The following THEMIS variants were observed in gnomAD, a reference collection of about 807,000 sequenced individuals.
The protein encoded by THEMIS is thymocyte selection associated.
A neutral mutation model predicts 52.6 loss-of-function variants in THEMIS; 37 were observed. The ratio of observed to expected loss-of-function variants is 0.70; its 90% confidence interval spans 0.54 to 0.93. THEMIS has a LOEUF of 0.93. Ranked by LOEUF, THEMIS falls within the 40% of genes least tolerant of loss-of-function variation. The pLI is 0.00. For missense variants in THEMIS, 808 were observed against 763.1 expected (o/e 1.06, Z -0.69); for synonymous variants, 292 against 272.7 (o/e 1.07, Z -0.70).
intron 2 of THEMIS, among the ~76,000 whole-genome samples, chr6:127,846,680 T>G (rs866097162): frequency 3.3e-5 from 5 of 151,798 alleles, no homozygotes; most frequent in Admixed American, 6.6e-5. Context: ...CAGGGCCAGA[T>G]AGATTCACAG....
intron 4 of THEMIS, among the ~76,000 whole-genome samples, chr6:127,740,729 A>G (rs1364901395): frequency 6.6e-6 from 1 of 152,216 alleles, no homozygotes; most frequent in Non-Finnish European, 1.5e-5. Flanking sequence ...ATCTGTGATG[A>G]ACATAGCATT....
intron 4 of THEMIS, among the ~76,000 whole-genome samples, chr6:127,760,059 T>A (rs1476307556): frequency 1.3e-5 from 2 of 151,492 alleles, no homozygotes; most frequent in East Asian, 3.9e-4. Context: ...TATTGATGTA[T>A]AGTGTAAGCT....
intron 4 of THEMIS, among the ~76,000 whole-genome samples, chr6:127,787,803 GTAGATAGATAGA>G (rs147102978): frequency 1.5e-5 from 2 of 137,642 alleles, no homozygotes; most frequent in African/African-American, 5.4e-5. Context: ...ACAGTGATAG[GTAGATAGATAGA>G]TAGATAGATA....
chr6:127,834,427 A>G (rs1370116671), intron 2 of THEMIS, among the ~76,000 whole-genome samples: 2 of 150,772 alleles, frequency 1.3e-5, no homozygotes, highest in African/African-American at 4.9e-5. Context: ...CAAAAAAAAA[A>G]AAAAAAAAAA....
intron 3 of THEMIS, among the ~76,000 whole-genome samples, chr6:127,828,363 C>T (rs1280201902): frequency 6.6e-6 from 1 of 152,154 alleles, no homozygotes; most frequent in Non-Finnish European, 1.5e-5. Flanking sequence ...CTACAATTTG[C>T]CATTGCCTCA....
chr6:127,760,608 T>C (rs942117339), intron 4 of THEMIS, among the ~76,000 whole-genome samples: 7 of 151,916 alleles, frequency 4.6e-5, no homozygotes, highest in Non-Finnish European at 8.8e-5. Flanking sequence ...AACATAGCAA[T>C]ACTCTATCTC....
intron 1 of THEMIS, among the ~76,000 whole-genome samples, chr6:127,873,895 G>A (rs928552473): frequency 7.9e-5 from 12 of 152,198 alleles, no homozygotes; most frequent in African/African-American, 2.9e-4. Context: ...GATACCATAA[G>A]TTTACATCAT....
chr6:127,824,703 TAGTC>T, intron 3 of THEMIS, among the ~76,000 whole-genome samples: 1 of 152,184 alleles, frequency 6.6e-6, no homozygotes, highest in East Asian at 1.9e-4. Context: ...TTCACCGTGT[TAGTC>T]AGGATGGTCT....
intron 4 of THEMIS, among the ~76,000 whole-genome samples, chr6:127,733,750 T>C (rs1006198229): frequency 2.0e-5 from 3 of 152,018 alleles, no homozygotes; most frequent in African/African-American, 7.2e-5. Flanking sequence ...CTCAGGAAAA[T>C]AAGACAGAAG....
At chr6:127,701,278 T>TTTGATGA in the THEMIS span, among the ~76,000 whole-genome samples, 2 of 152,112 alleles carry the variant, frequency 1.3e-5, no homozygotes, top group African/African-American at 4.8e-5. Context: ...TGTGTCTAAT[T>TTTGATGA]TTGATGATTC....
intron 4 of THEMIS, among the ~76,000 whole-genome samples, chr6:127,754,424 C>T (rs1386277695): frequency 6.6e-6 from 1 of 152,088 alleles, no homozygotes; most frequent in African/African-American, 2.4e-5. Context: ...GTGATGGACC[C>T]AGATTCTTAC....
intron 1 of THEMIS, among the ~76,000 whole-genome samples, chr6:127,874,899 C>CTGG (rs1780268846): frequency 6.6e-6 from 1 of 152,242 alleles, no homozygotes; most frequent in Non-Finnish European, 1.5e-5. Context: ...GGGCCACAGA[C>CTGG]TGGTGCTGGC....
At chr6:127,857,088 T>C (rs1053214470) in intron 1 of THEMIS, among the ~76,000 whole-genome samples, 6 of 149,272 alleles carry the variant, frequency 4.0e-5, no homozygotes, top group African/African-American at 1.2e-4. Flanking sequence ...AAAAAAAACC[T>C]ACTATGTTGG....
At chr6:127,844,564 G>T (rs531915041) in intron 2 of THEMIS, among the ~76,000 whole-genome samples, 89 of 151,576 alleles carry the variant, frequency 5.9e-4, no homozygotes, top group African/African-American at 2.1e-3. Flanking sequence ...ATCATTTGGA[G>T]AAAATGTGAA....
chr6:127,850,883 AAATAAT>A (rs572119231), intron 2 of THEMIS, among the ~76,000 whole-genome samples: 1 of 151,522 alleles, frequency 6.6e-6, no homozygotes, highest in South Asian at 2.1e-4. Flanking sequence ...GAATCTATGG[AAATAAT>A]AATAATAATA....
intron 4 of THEMIS, among the ~76,000 whole-genome samples, chr6:127,762,862 T>A (rs1307788496): frequency 1.3e-5 from 2 of 152,072 alleles, no homozygotes; most frequent in Non-Finnish European, 2.9e-5. Flanking sequence ...ATTTCTAGGC[T>A]ACATACACAG....
At chr6:127,751,560 A>T (rs1214288106) in intron 4 of THEMIS, among the ~76,000 whole-genome samples, 1 of 151,664 alleles carries the variant, frequency 6.6e-6, no homozygotes, top group Non-Finnish European at 1.5e-5. Flanking sequence ...AACAGACTTT[A>T]AGTCAAAAAT....
chr6:127,823,366 T>A (rs1305244290), intron 3 of THEMIS, among the ~76,000 whole-genome samples: 1 of 152,156 alleles, frequency 6.6e-6, no homozygotes, highest in African/African-American at 2.4e-5. Context: ...GTTCATATTT[T>A]CCTTAGCTAT....
chr6:127,876,991 C>T (rs973921339), intron 1 of THEMIS, among the ~76,000 whole-genome samples: 5 of 152,014 alleles, frequency 3.3e-5, no homozygotes, highest in African/African-American at 1.2e-4. Context: ...TTTCTCAGTG[C>T]ATATAAAAAT....
Sources: allele counts gnomAD v4.1 joint callset (sites outside exome capture counted in the v4.1 genomes callset), GRCh38; gene constraint gnomAD v4.1.1; transcripts MANE v1.5; gene names NCBI Gene and HGNC (gene_info 2026-07-23, HGNC 2026-07-21).